Variants in SRGAP2C observed in about 807,000 individuals in gnomAD.
The protein encoded by SRGAP2C is SLIT-ROBO Rho GTPase-activating protein 2C.
In SRGAP2C, 15 loss-of-function variants were observed where a neutral mutation model predicts 25.1. That is an observed-to-expected ratio of 0.60 (90% CI 0.40 to 0.92). SRGAP2C has a LOEUF of 0.92. SRGAP2C is among the 40% of genes least tolerant of loss of function. The probability of loss-of-function intolerance (pLI) is 0.00; values close to 1 mark genes in which losing one functional copy is unlikely to be tolerated. For missense variants in SRGAP2C, 144 were observed against 264.4 expected, an observed-to-expected ratio of 0.54 and a Z score of 3.16; for synonymous variants, 44 against 96.6, an observed-to-expected ratio of 0.46 and a Z score of 3.19.
At chr1:121,345,729 G>A (rs1233314228) in intron 4 of SRGAP2C, among the ~76,000 whole-genome samples, 55 of 137,510 alleles carry the variant, frequency 4.0e-4, no homozygotes, top group African/African-American at 1.5e-3. Context: ...TTGACTCACT[G>A]TAACCCCCGC....
At chr1:121,360,141 C>G (rs1351357631) in intron 4 of SRGAP2C, 2 of 151,406 alleles carry the variant, frequency 1.3e-5, no homozygotes, top group African/African-American at 4.9e-5. Flanking sequence ...AAGAACCCAC[C>G]AGAAGGAACC....
At chr1:121,261,094 A>ATTTTTTTTTTTTTTTTTTTTTTTT (rs1211026484) in intron 2 of SRGAP2C, among the ~76,000 whole-genome samples, 2 of 26,264 alleles carry the variant, frequency 7.6e-5, no homozygotes, top group African/African-American at 3.1e-4. Context: ...ACACCTGGCT[A>ATTTTTTTTTTTTTTTTTTTTTTTT]TTTTTTTTTT....
chr1:121,286,308 G>A (rs1209328430), intron 3 of SRGAP2C, among the ~76,000 whole-genome samples: 34 of 138,916 alleles, frequency 2.4e-4, no homozygotes, highest in East Asian at 1.1e-3. Context: ...GTACAATAGC[G>A]TGATCTTGGC....
chr1:121,391,698 A>T lies in SRGAP2C; in HGVS notation c.*3843A>T, dbSNP rs1277855254. On this transcript the variant is annotated 3_prime_UTR_variant, in exon 10 of 10. Coordinates refer to ENST00000367123, the MANE Select transcript of SRGAP2C (RefSeq NM_001329984.2). Reference sequence around the variant, plus strand: ...ACAATATAATAAGTAAAGAAAATTTAAAACCACAAAACATTACTGTGTTTG... The same window carrying T: ...ACAATATAATAAGTAAAGAAAATTTTAAACCACAAAACATTACTGTGTTTG... 2.6e-5 allele frequency: 4 copies of T among 152,254 alleles called. No individual in the cohort carries two copies. Among genetic ancestry groups the T allele is most frequent in the African/African-American group, 9.6e-5 (4 of 41,474 alleles). 9.4% of individuals were successfully genotyped at this position (152,254 alleles called of 1,614,324 possible).
intron 3 of SRGAP2C, among the ~76,000 whole-genome samples, chr1:121,300,433 A>G: frequency 7.0e-6 from 1 of 142,600 alleles, no homozygotes; most frequent in Non-Finnish European, 1.5e-5. Flanking sequence ...GAACTCACTT[A>G]TCACCACAGA....
At chr1:121,321,741 C>T (rs1350801995) in intron 3 of SRGAP2C, among the ~76,000 whole-genome samples, 2 of 151,752 alleles carry the variant, frequency 1.3e-5, no homozygotes, top group Non-Finnish European at 3.0e-5. Context: ...AGTGATAAGG[C>T]ATTTTATTTT....
chr1:121,203,388 ATT>A lies in SRGAP2C; in HGVS notation c.67+15877_67+15878del, dbSNP rs200157232. ...AAAGTGCCTTGCCATACTTTATCTC[ATT>A]TAACCTCAGAATTGTACAACACAGG... On this transcript the variant is annotated intron_variant, in intron 2 of 9. Coordinates refer to ENST00000367123, the MANE Select transcript of SRGAP2C (RefSeq NM_001329984.2). Among the ~76,000 whole-genome samples the A allele has an allele frequency of 0.011, 1,714 of 150,334 alleles. 152 individuals carry two copies. The East Asian group carries it at 0.24, about 21-fold the overall frequency.
intron 3 of SRGAP2C, among the ~76,000 whole-genome samples, chr1:121,285,402 T>A (rs1316192913): frequency 0.012 from 1,597 of 128,200 alleles, 10 homozygotes; most frequent in Middle Eastern, 0.043. Flanking sequence ...TCTCTCTCTC[T>A]CTCACACACA....
intron 4 of SRGAP2C, among the ~76,000 whole-genome samples, chr1:121,353,117 T>C (rs1176840355): frequency 6.8e-6 from 1 of 148,092 alleles, no homozygotes; most frequent in Non-Finnish European, 1.5e-5. Context: ...AAAAAAAATA[T>C]AGATCTAAGT....
chr1:121,345,851 A>G (rs1308017148), intron 4 of SRGAP2C, among the ~76,000 whole-genome samples: 3 of 142,816 alleles, frequency 2.1e-5, no homozygotes, highest in Non-Finnish European at 4.6e-5. Context: ...GGGTTTCACT[A>G]TGTTGGCCAG....
chr1:121,206,316 T>A (rs1478326000), intron 2 of SRGAP2C, among the ~76,000 whole-genome samples: 2 of 152,130 alleles, frequency 1.3e-5, no homozygotes, highest in African/African-American at 4.8e-5. Flanking sequence ...TGTTTGCATG[T>A]GGTAGGCACC....
intron 3 of SRGAP2C, among the ~76,000 whole-genome samples, chr1:121,287,903 C>T (rs1361917650): frequency 3.3e-5 from 5 of 151,794 alleles, no homozygotes; most frequent in East Asian, 3.9e-4. Context: ...CTTGTGGTCT[C>T]GCTGGGCTCA....
In SRGAP2C at chr1:121,324,601, T is replaced by A; in HGVS notation, c.384T>A (p.Phe128Leu). ...DIYLNNIIPR[F>L]VQVSEDSGRL... ...ACCTGAATAATATCATTCCTCGATT[T>A]GTACAAGTCAGCGAGGACTCAGGAA... The change falls in exon 4 of 10, where the codon TTT becomes TTA. Residue 128 changes from phenylalanine (F) to leucine (L), a missense_variant. Phe to Leu is a conservative substitution (Grantham distance 22). This residue lies in a region of SRGAP2C where 26 missense variants were observed against 67.3 expected (regional missense o/e 0.39). Coordinates refer to ENST00000367123, the MANE Select transcript of SRGAP2C (RefSeq NM_001329984.2). 7.2e-7 allele frequency: 1 copy of A among 1,390,554 alleles called. No homozygotes were observed. Among genetic ancestry groups the A allele is most frequent in the Non-Finnish European group, 1.0e-6 (1 of 976,242 alleles). The allele number at this position is 1,390,554 out of a possible 1,614,324, so 86.1% of individuals were successfully genotyped here.
intron 2 of SRGAP2C, among the ~76,000 whole-genome samples, chr1:121,188,159 A>G (rs587625997): frequency 6.6e-6 from 1 of 152,276 alleles, no homozygotes; most frequent in East Asian, 1.9e-4. Context: ...TAGAGTTGGG[A>G]GGATGTTAGG....
intron 2 of SRGAP2C, among the ~76,000 whole-genome samples, chr1:121,206,146 A>C (rs1330723782): frequency 2.0e-5 from 3 of 151,486 alleles, no homozygotes; most frequent in South Asian, 2.1e-4. Flanking sequence ...CCGCTCCTGC[A>C]TCACTTCCTA....
At chr1:121,230,862 A>T (rs1321568152) in intron 2 of SRGAP2C, among the ~76,000 whole-genome samples, 3 of 152,060 alleles carry the variant, frequency 2.0e-5, no homozygotes, top group African/African-American at 7.2e-5. Context: ...GCCATAAAAA[A>T]GAATGAGTTC....
At chr1:121,282,785 T>C (rs1410180704) in intron 2 of SRGAP2C, among the ~76,000 whole-genome samples, 87,023 of 133,782 alleles carry the variant, frequency 0.65, 29,098 homozygotes, top group East Asian at 0.78. Flanking sequence ...GTCTCGATCT[T>C]CTGACCTTGT....
At chr1:121,239,155 T>G (rs1455660141) in intron 2 of SRGAP2C, among the ~76,000 whole-genome samples, 1 of 65,294 alleles carries the variant, frequency 1.5e-5, no homozygotes, top group African/African-American at 6.6e-5. Context: ...AGTGGTAGAG[T>G]AGTGTGGTGG....
At chr1:121,278,161 C>T (rs1266517328) in intron 2 of SRGAP2C, among the ~76,000 whole-genome samples, 4 of 151,948 alleles carry the variant, frequency 2.6e-5, no homozygotes, top group Non-Finnish European at 4.4e-5. Flanking sequence ...TGCCCAGGCT[C>T]GTCTGGAACT....
Sources: allele counts gnomAD v4.1 joint callset (sites outside exome capture counted in the v4.1 genomes callset), GRCh38; gene constraint gnomAD v4.1.1; regional missense constraint gnomAD v4.1.1; transcripts MANE v1.5; gene names NCBI Gene and HGNC (gene_info 2026-07-23, HGNC 2026-07-21).